The following LRSAM1 variants were observed in gnomAD, a reference collection of about 807,000 sequenced individuals.
The protein encoded by LRSAM1 is leucine rich repeat and sterile alpha motif containing 1.
In LRSAM1, 96 loss-of-function variants were observed where a neutral mutation model predicts 118.1. The ratio of observed to expected loss-of-function variants is 0.81; its 90% CI spans 0.69 to 0.96. The LOEUF is 0.96. LRSAM1 is among the 40% of genes least tolerant of loss of function. The pLI is 0.00. For synonymous variants in LRSAM1, 322 were observed against 364.2 expected (o/e 0.88, Z 1.32); for missense variants, 804 against 915.5 (o/e 0.88, Z 1.57).
In LRSAM1 at chr9:127,467,811, C is replaced by CT. The variant is rs1215220865; in HGVS notation, c.602dup (p.Leu201PhefsTer36). 6.2e-7 allele frequency: 1 copy of CT among 1,602,450 alleles called. No individual in the cohort carries two copies. The highest frequency in any genetic ancestry group is 8.5e-7 in the Non-Finnish European group (1 of 1,176,234). On this transcript the variant is annotated frameshift_variant, in exon 10 of 26. Coordinates refer to ENST00000300417, the MANE Select transcript of LRSAM1 (RefSeq NM_001005373.4). LOFTEE classifies it high-confidence loss of function. ...TGTGTGGTGCCGGCACTGCGGCCAT[C>CT]TTGCAGTTCCTCTGCAAAGGTAAAG...
intron 11 of LRSAM1, among the ~76,000 whole-genome samples, chr9:127,476,263 A>G (rs1049700242): frequency 1.4e-4 from 22 of 152,180 alleles, no homozygotes; most frequent in African/African-American, 5.1e-4. Flanking sequence ...GCTGGGACAC[A>G]TGGATTAGTG....
At chr9:127,454,463 T>C (rs1834440865) in intron 2 of LRSAM1, 33 bp from the exon 3 acceptor site, 1 of 1,561,670 alleles carries the variant, frequency 6.4e-7, no homozygotes, top group Non-Finnish European at 8.8e-7. Flanking sequence ...TGTGACAAAT[T>C]CCCCAGTCCC....
intron 19 of LRSAM1, among the ~76,000 whole-genome samples, chr9:127,489,791 G>A (rs560400441): frequency 6.6e-6 from 1 of 152,362 alleles, no homozygotes; most frequent in East Asian, 1.9e-4. Flanking sequence ...AGGGAGGCTG[G>A]TGCTGATGTG....
At chr9:127,475,077 T>TTATTATTTTAC (rs528343584) in intron 11 of LRSAM1, among the ~76,000 whole-genome samples, 6 of 151,206 alleles carry the variant, frequency 4.0e-5, no homozygotes, top group African/African-American at 1.5e-4. Flanking sequence ...TATTATTTTA[T>TTATTATTTTAC]AGTTCAGCAA....
At chr9:127,495,289 T>G in intron 21 of LRSAM1, 31 bp from the exon 22 acceptor site, 2 of 1,597,280 alleles carry the variant, frequency 1.3e-6, no homozygotes, top group Non-Finnish European at 1.7e-6. Flanking sequence ...TACCATTTTG[T>G]GACTAACATT....
chr9:127,469,300 T>C (rs550477853), intron 10 of LRSAM1, among the ~76,000 whole-genome samples: 201 of 152,078 alleles, frequency 1.3e-3, no homozygotes, highest in African/African-American at 4.6e-3. Context: ...TAAAACTCCA[T>C]CTCTACTAAA....
At position 127,490,787 on chromosome 9, in the gene LRSAM1, C is replaced by T. The variant is rs1250871441; in HGVS notation, c.1423-428C>T. Among the ~76,000 whole-genome samples the T allele has an allele frequency of 2.6e-5, 4 of 152,332 alleles. No homozygotes were observed. The South Asian group carries it at 6.2e-4, about 24-fold the overall frequency. On this transcript the variant is annotated intron_variant, in intron 19 of 25. Transcript: ENST00000300417. Reference sequence around the variant, plus strand: ...TACTACTACCACTGTTACTCAGTCACTTCCACTACCCTCTGCTCTCCCCTG... The same window carrying T: ...TACTACTACCACTGTTACTCAGTCATTTCCACTACCCTCTGCTCTCCCCTG...
At chr9:127,478,008 C>T (rs958592318) in intron 11 of LRSAM1, among the ~76,000 whole-genome samples, 85 of 143,020 alleles carry the variant, frequency 5.9e-4, no homozygotes, top group African/African-American at 2.2e-3. Flanking sequence ...AAGATTGTGC[C>T]ATTATTGCAC....
Position 127,489,139 on chromosome 9 carries a change from G to A in LRSAM1, c.1348-305G>A, listed in dbSNP as rs538044481. Among the ~76,000 whole-genome samples, 8 of 152,264 alleles carry A rather than the reference G, an allele frequency of 5.3e-5. 1 individual carries two copies. Among genetic ancestry groups the A allele is most frequent in the South Asian group, 4.1e-4 (2 of 4,820 alleles). On this transcript the variant is annotated intron_variant, in intron 18 of 25. Transcript: ENST00000300417. ...GGATAGGCTTGGTGTGTGTCCCAGCGCCGCTGATTCATGCCTCTGAGTGTC... is the reference window on the plus strand; with the variant it reads ...GGATAGGCTTGGTGTGTGTCCCAGCACCGCTGATTCATGCCTCTGAGTGTC...
At chr9:127,495,892 C>A in intron 22 of LRSAM1, 72 bp from the exon 23 acceptor site, 3 of 1,583,296 alleles carry the variant, frequency 1.9e-6, no homozygotes, top group Non-Finnish European at 2.6e-6. Context: ...ATATTCAAAC[C>A]CTTCATTTCC....
intron 17 of LRSAM1, among the ~76,000 whole-genome samples, chr9:127,487,191 A>T (rs1692095556): frequency 6.6e-6 from 1 of 151,804 alleles, no homozygotes; most frequent in Non-Finnish European, 1.5e-5. Flanking sequence ...CTCAAAAAAA[A>T]AAAAAAAAAC....
chr9:127,457,442 G>A (rs777594391), intron 6 of LRSAM1, 49 bp downstream of exon 6: 32 of 1,580,948 alleles, frequency 2.0e-5, no homozygotes, highest in Middle Eastern at 3.3e-4. Context: ...GGGGTTCCAC[G>A]CGGCAGCTGA....
chr9:127,456,164 A>C (rs1588092213), intron 5 of LRSAM1, among the ~76,000 whole-genome samples: 3 of 23,606 alleles, frequency 1.3e-4, no homozygotes, highest in African/African-American at 5.5e-4. Flanking sequence ...AGAATATGCA[A>C]AAAAAAAAAA....
At chr9:127,478,442 G>T (rs1392852217) in intron 11 of LRSAM1, among the ~76,000 whole-genome samples, 1 of 152,238 alleles carries the variant, frequency 6.6e-6, no homozygotes, top group Admixed American at 6.5e-5. Flanking sequence ...TCCACTGTAT[G>T]GATGCACCAT....
At chr9:127,478,315 A>G (rs1033941585) in intron 11 of LRSAM1, among the ~76,000 whole-genome samples, 26 of 152,228 alleles carry the variant, frequency 1.7e-4, no homozygotes, top group African/African-American at 6.0e-4. Flanking sequence ...TTGACTCAAT[A>G]CCTTCACACA....
intron 11 of LRSAM1, 58 bp downstream of exon 11, chr9:127,473,989 T>A: frequency 6.2e-7 from 1 of 1,611,948 alleles, no homozygotes; most frequent in Admixed American, 1.7e-5. Flanking sequence ...TGCATGTATG[T>A]GTGTTGAGGG....
At chr9:127,468,302 G>A (rs1588108849) in intron 10 of LRSAM1, among the ~76,000 whole-genome samples, 1 of 152,146 alleles carries the variant, frequency 6.6e-6, no homozygotes, top group East Asian at 1.9e-4. Flanking sequence ...TTAGGCTGCA[G>A]GGAGGAGAAG....
intron 9 of LRSAM1, among the ~76,000 whole-genome samples, chr9:127,466,249 C>A (rs1048906313): frequency 1.3e-5 from 2 of 151,756 alleles, no homozygotes; most frequent in Non-Finnish European, 2.9e-5. Context: ...GCAAAGGTTG[C>A]AATGAGCTGA....
chr9:127,467,876 C>T, intron 10 of LRSAM1, 46 bp downstream of exon 10: 2 of 1,526,202 alleles, frequency 1.3e-6, no homozygotes, highest in Non-Finnish European at 8.8e-7. Context: ...GAACTATGAC[C>T]CCCATGGCCA....
Sources: allele counts gnomAD v4.1 joint callset (sites outside exome capture counted in the v4.1 genomes callset), GRCh38; gene constraint gnomAD v4.1.1; transcripts MANE v1.5; gene names NCBI Gene and HGNC (gene_info 2026-07-23, HGNC 2026-07-21).